The following CPQ variants were observed in gnomAD, a reference collection of about 807,000 sequenced individuals.
CPQ encodes the protein carboxypeptidase Q, also known as Ser-Met dipeptidase.
A neutral mutation model predicts 45.7 loss-of-function variants in CPQ; 37 were observed. The observed-to-expected ratio is 0.81, with a 90% CI of 0.62 to 1.07. The LOEUF (loss-of-function observed/expected upper bound fraction) is 1.07, where lower values mean the gene tolerates loss of function less well. Among genes scored for constraint, CPQ ranks in the 50% least tolerant of loss-of-function variants. The pLI, the probability that CPQ is intolerant of heterozygous loss-of-function variation, is 0.00. For synonymous variants in CPQ, 186 were observed against 205.8 expected (o/e 0.90, Z 0.82); for missense variants, 537 against 572.9 (o/e 0.94, Z 0.64).
intron 1 of CPQ, among the ~76,000 whole-genome samples, chr8:96,753,949 A>G (rs1810295340): frequency 6.6e-6 from 1 of 151,956 alleles, no homozygotes; most frequent in Non-Finnish European, 1.5e-5. Context: ...ATTTTATCAA[A>G]TGATCTTTTG....
At chr8:97,136,139 T>A (rs1381806738) in intron 7 of CPQ, among the ~76,000 whole-genome samples, 1 of 151,942 alleles carries the variant, frequency 6.6e-6, no homozygotes, top group Non-Finnish European at 1.5e-5. Flanking sequence ...CTTCACCCAG[T>A]CACGTAGCTG....
intron 4 of CPQ, among the ~76,000 whole-genome samples, chr8:96,932,230 C>T (rs1158989969): frequency 2.0e-5 from 3 of 152,012 alleles, no homozygotes; most frequent in Non-Finnish European, 4.4e-5. Context: ...AAGTTTTACT[C>T]AGTATTTCCT....
At chr8:97,089,746 A>T (rs1811100624) in intron 7 of CPQ, among the ~76,000 whole-genome samples, 2 of 152,212 alleles carry the variant, frequency 1.3e-5, no homozygotes, top group Middle Eastern at 3.4e-3. Flanking sequence ...TGGGGTAGGG[A>T]GTACTGATCC....
intron 4 of CPQ, among the ~76,000 whole-genome samples, chr8:96,904,700 G>A (rs1479714979): frequency 6.6e-6 from 1 of 152,132 alleles, no homozygotes; most frequent in Non-Finnish European, 1.5e-5. Context: ...GGGGAGAGGA[G>A]CAAAGGTCCA....
chr8:97,099,115 C>CTTTTTTTTTTTTTTTTT (rs34830752), intron 7 of CPQ, among the ~76,000 whole-genome samples: 1 of 66,316 alleles, frequency 1.5e-5, no homozygotes, highest in Admixed American at 2.7e-4. Flanking sequence ...CCTTCTCTCT[C>CTTTTTTTTTTTTTTTTT]TTTTTTTTTT....
intron 4 of CPQ, among the ~76,000 whole-genome samples, chr8:96,890,325 G>A (rs1486234311): frequency 6.6e-6 from 1 of 152,214 alleles, no homozygotes; most frequent in Non-Finnish European, 1.5e-5. Flanking sequence ...AGCTGGTCAC[G>A]TGGTTGTAGC....
intron 5 of CPQ, among the ~76,000 whole-genome samples, chr8:96,971,961 A>G (rs1327923423): frequency 1.3e-5 from 2 of 152,210 alleles, no homozygotes; most frequent in Non-Finnish European, 2.9e-5. Context: ...TTTTGCTCTA[A>G]GAACTACCTC....
intron 7 of CPQ, among the ~76,000 whole-genome samples, chr8:97,078,797 CTCTCTCTCTCCCT>C (rs1160490194): frequency 6.6e-6 from 1 of 150,470 alleles, no homozygotes; most frequent in Non-Finnish European, 1.5e-5. Context: ...CTCTCTCTCT[CTCTCTCTCTCCCT>C]CTCTCCTTTT....
At chr8:97,125,418 C>G (rs574794856) in intron 7 of CPQ, among the ~76,000 whole-genome samples, 143 of 152,174 alleles carry the variant, frequency 9.4e-4, no homozygotes, top group African/African-American at 3.4e-3. Context: ...GATATCAAAA[C>G]CAAAGATATG....
intron 2 of CPQ, among the ~76,000 whole-genome samples, chr8:96,804,270 G>A (rs949786918): frequency 1.2e-4 from 19 of 152,114 alleles, no homozygotes; most frequent in Non-Finnish European, 2.4e-4. Context: ...CCTTGCTAAG[G>A]CTCTTATGTG....
At chr8:96,848,479 T>C (rs1439649060) in intron 3 of CPQ, among the ~76,000 whole-genome samples, 1 of 152,240 alleles carries the variant, frequency 6.6e-6, no homozygotes, top group African/African-American at 2.4e-5. Flanking sequence ...GCTGCTGTAC[T>C]TTGTCTGCAT....
chr8:97,108,819 A>G (rs937912252), intron 7 of CPQ, among the ~76,000 whole-genome samples: 1 of 152,228 alleles, frequency 6.6e-6, no homozygotes, highest in Non-Finnish European at 1.5e-5. Context: ...AGACAATAAC[A>G]TAAGAGAAAG....
intron 2 of CPQ, among the ~76,000 whole-genome samples, chr8:96,794,170 T>A (rs1303471757): frequency 6.6e-6 from 1 of 152,090 alleles, no homozygotes; most frequent in African/African-American, 2.4e-5. Flanking sequence ...CTAGGGGAGG[T>A]TCTCCATGAG....
At chr8:96,902,751 G>A (rs1362018439) in intron 4 of CPQ, among the ~76,000 whole-genome samples, 2 of 152,136 alleles carry the variant, frequency 1.3e-5, no homozygotes, top group African/African-American at 2.4e-5. Flanking sequence ...CACGCAATGT[G>A]GCCCCACATG....
chr8:96,712,444 A>G (rs1031028472), intron 1 of CPQ, among the ~76,000 whole-genome samples: 1 of 152,130 alleles, frequency 6.6e-6, no homozygotes, highest in Non-Finnish European at 1.5e-5. Context: ...GGCTCCATTC[A>G]AGCAGCAAAC....
At chr8:97,072,464 C>T (rs745953630) in intron 7 of CPQ, among the ~76,000 whole-genome samples, 4 of 151,906 alleles carry the variant, frequency 2.6e-5, no homozygotes, top group Non-Finnish European at 4.4e-5. Context: ...TCCTCAATAA[C>T]GTATGGAAAC....
At chr8:97,111,873 C>A (rs923932704) in intron 7 of CPQ, among the ~76,000 whole-genome samples, 3 of 152,192 alleles carry the variant, frequency 2.0e-5, no homozygotes, top group Admixed American at 1.3e-4. Flanking sequence ...CAAAGCAAAC[C>A]AGCACCTGGT....
At chr8:96,786,247 G>A (rs1397361669) in intron 2 of CPQ, among the ~76,000 whole-genome samples, 1 of 151,970 alleles carries the variant, frequency 6.6e-6, no homozygotes, top group Non-Finnish European at 1.5e-5. Flanking sequence ...TGCTTATTCT[G>A]GGCATTTTAC....
In CPQ at chr8:96,784,188, A is replaced by ATT. The variant is rs540028236; in HGVS notation, c.-34-674_-34-673dup. The stretch of plus-strand genomic sequence containing the variant: ...AATGCTTCCTGTTATTGTTATTATT[A>ATT]TTTATTATGTAGGTGGTGGATATCA... On this transcript the variant is annotated intron_variant, in intron 1 of 7. Coordinates refer to ENST00000220763, the MANE Select transcript of CPQ (RefSeq NM_016134.4). Among the ~76,000 whole-genome samples, 348 of 152,234 alleles carry ATT rather than the reference A, an allele frequency of 2.3e-3. 4 individuals are homozygous for ATT. Among genetic ancestry groups the ATT allele is most frequent in the African/African-American group, 8.2e-3 (340 of 41,528 alleles).
Sources: gnomAD v4.1 joint callset for allele counts (sites outside exome capture counted in the v4.1 genomes callset) on GRCh38, gnomAD v4.1.1 for gene constraint, MANE v1.5 for transcripts, NCBI Gene and HGNC (gene_info 2026-07-23, HGNC 2026-07-21) for gene names.